ADAMTS3: variants seen among roughly 807,000 people sequenced by gnomAD.
ADAMTS3 encodes ADAM metallopeptidase with thrombospondin type 1 motif 3, also known as A disintegrin and metalloproteinase with thrombospondin motifs 3.
Under a neutral mutation model 129.0 loss-of-function variants are expected in ADAMTS3, and 73 were observed. That is an observed-to-expected ratio of 0.57 (90% CI 0.47 to 0.69). The LOEUF (loss-of-function observed/expected upper bound fraction) is 0.69, where lower values mean the gene tolerates loss of function less well. Among genes scored for constraint, ADAMTS3 ranks in the 30% least tolerant of loss-of-function variants. The pLI is 0.00. For synonymous variants in ADAMTS3, 477 were observed against 510.8 expected, an observed-to-expected ratio of 0.93 and a Z score of 0.89; for missense variants, 1,457 against 1,514.5, an observed-to-expected ratio of 0.96 and a Z score of 0.63.
intron 3 of ADAMTS3, among the ~76,000 whole-genome samples, chr4:72,423,123 G>C (rs538310133): frequency 6.6e-6 from 1 of 152,070 alleles, no homozygotes; most frequent in South Asian, 2.1e-4. Flanking sequence ...TCTCAGATCC[G>C]CTAAGGAAAG....
chr4:72,432,192 T>G (rs1392795296), intron 3 of ADAMTS3, among the ~76,000 whole-genome samples: 3 of 151,922 alleles, frequency 2.0e-5, no homozygotes, highest in African/African-American at 7.2e-5. Context: ...GTGTCCAGAT[T>G]CCAGCCAAGG....
intron 2 of ADAMTS3, among the ~76,000 whole-genome samples, chr4:72,560,097 A>C (rs1382435998): frequency 6.6e-6 from 1 of 151,670 alleles, no homozygotes; most frequent in Admixed American, 6.6e-5. Flanking sequence ...TTCCCTATTT[A>C]ATAAGTGGTA....
At chr4:72,567,528 T>C in intron 1 of ADAMTS3, 127 bp from the exon 2 acceptor site, 1 of 914,714 alleles carries the variant, frequency 1.1e-6, no homozygotes, top group Non-Finnish European at 1.7e-6. Context: ...AGACTGGGAT[T>C]GGTGCCTAAA....
intron 3 of ADAMTS3, among the ~76,000 whole-genome samples, chr4:72,486,389 C>T (rs1226351703): frequency 6.6e-6 from 1 of 152,274 alleles, no homozygotes; most frequent in Middle Eastern, 3.4e-3. Flanking sequence ...TATTTCTGCT[C>T]AGTCTTGTAC....
chr4:72,562,724 G>T (rs182756713), intron 2 of ADAMTS3, among the ~76,000 whole-genome samples: 1 of 152,112 alleles, frequency 6.6e-6, no homozygotes, highest in South Asian at 2.1e-4. Context: ...GTGGGCACTT[G>T]TAAGACATCA....
chr4:72,458,483 T>C (rs557810867), intron 3 of ADAMTS3, among the ~76,000 whole-genome samples: 18 of 151,490 alleles, frequency 1.2e-4, no homozygotes, highest in Middle Eastern at 6.8e-3. Context: ...ATCTAAGAGG[T>C]CTGGTATTTA....
chr4:72,552,959 A>T (rs1721680126), intron 2 of ADAMTS3, among the ~76,000 whole-genome samples: 1 of 152,210 alleles, frequency 6.6e-6, no homozygotes, highest in South Asian at 2.1e-4. Flanking sequence ...TCATGAAGGC[A>T]GAAGATTTTA....
chr4:72,539,722 T>C (rs1323866941), intron 3 of ADAMTS3, among the ~76,000 whole-genome samples: 4 of 152,142 alleles, frequency 2.6e-5, no homozygotes, highest in Non-Finnish European at 5.9e-5. Context: ...TTTCCTGTGC[T>C]GTTCTCCTGA....
intron 3 of ADAMTS3, among the ~76,000 whole-genome samples, chr4:72,482,402 A>T (rs952909965): frequency 2.6e-4 from 39 of 152,226 alleles, no homozygotes; most frequent in African/African-American, 8.9e-4. Context: ...CAAAAAAAAA[A>T]GTCAAGTCCT....
At chr4:72,445,317 G>A (rs1327701470) in intron 3 of ADAMTS3, among the ~76,000 whole-genome samples, 1 of 151,630 alleles carries the variant, frequency 6.6e-6, no homozygotes, top group African/African-American at 2.4e-5. Context: ...ATAAATCTGA[G>A]AGGATACAGA....
intron 3 of ADAMTS3, among the ~76,000 whole-genome samples, chr4:72,469,172 T>G (rs1423190578): frequency 6.6e-6 from 1 of 152,140 alleles, no homozygotes; most frequent in Non-Finnish European, 1.5e-5. Flanking sequence ...AACCTGACTA[T>G]ACACGTGTAT....
chr4:72,498,341 C>T (rs532316986), intron 3 of ADAMTS3, among the ~76,000 whole-genome samples: 3 of 151,866 alleles, frequency 2.0e-5, no homozygotes, highest in African/African-American at 7.2e-5. Flanking sequence ...ACGAGCTCTA[C>T]TCACAGTAAT....
At chr4:72,357,420 C>A (rs1053604647) in intron 4 of ADAMTS3, among the ~76,000 whole-genome samples, 2 of 151,696 alleles carry the variant, frequency 1.3e-5, no homozygotes, top group Non-Finnish European at 2.9e-5. Flanking sequence ...TTTAGACAAC[C>A]AACTAGCACG....
intron 4 of ADAMTS3, among the ~76,000 whole-genome samples, chr4:72,402,836 T>A (rs374113987): frequency 2.0e-5 from 3 of 152,144 alleles, no homozygotes; most frequent in African/African-American, 7.2e-5. Flanking sequence ...TTCATAGGAA[T>A]GTCCATTAAG....
At position 72,295,804 on chromosome 4, in the gene ADAMTS3, GT is replaced by G. The variant is rs1398597789; in HGVS notation, c.2591-19del. 6.2e-7 allele frequency: 1 copy of G among 1,607,352 alleles called. No individual in the cohort carries two copies. The highest frequency in any genetic ancestry group is 1.3e-5 in the African/African-American group (1 of 74,462). Reference sequence around the variant, plus strand: ...CTGGAAACCTGGAAAAGGAAATAAAGTTCTTTGGATTTAATCACTTCTTCAT... The same window carrying G: ...CTGGAAACCTGGAAAAGGAAATAAAGTCTTTGGATTTAATCACTTCTTCAT... On this transcript the variant is annotated intron_variant, in intron 18 of 21. Coordinates refer to ENST00000286657, the MANE Select transcript of ADAMTS3 (RefSeq NM_014243.3).
intron 3 of ADAMTS3, among the ~76,000 whole-genome samples, chr4:72,455,045 A>G (rs956373842): frequency 1.3e-5 from 2 of 151,758 alleles, no homozygotes; most frequent in African/African-American, 4.8e-5. Flanking sequence ...GCAGCACTAC[A>G]AACAAATGAT....
intron 5 of ADAMTS3, among the ~76,000 whole-genome samples, chr4:72,334,454 C>T (rs553882702): frequency 2.0e-5 from 3 of 152,068 alleles, no homozygotes; most frequent in Non-Finnish European, 4.4e-5. Flanking sequence ...TAACTGCACT[C>T]AAGGAACAAT....
chr4:72,451,386 G>A (rs959866874), intron 3 of ADAMTS3, among the ~76,000 whole-genome samples: 6 of 151,766 alleles, frequency 4.0e-5, no homozygotes, highest in Non-Finnish European at 8.8e-5. Context: ...TTTCTTACTA[G>A]AAGATTCCAA....
At chr4:72,388,466 C>CT (rs1721501881) in intron 4 of ADAMTS3, among the ~76,000 whole-genome samples, 1 of 152,228 alleles carries the variant, frequency 6.6e-6, no homozygotes. Flanking sequence ...GGCCACGTCA[C>CT]TACCCCTGGT....
Sources: gnomAD v4.1 joint callset for allele counts (sites outside exome capture counted in the v4.1 genomes callset) on GRCh38, gnomAD v4.1.1 for gene constraint, MANE v1.5 for transcripts, NCBI Gene and HGNC (gene_info 2026-07-23, HGNC 2026-07-21) for gene names.